The following CUL7 variants were observed in gnomAD, a reference collection of about 807,000 sequenced individuals.
CUL7 encodes the protein cullin-7.
Under a neutral mutation model 177.7 loss-of-function variants are expected in CUL7, and 96 were observed. The observed-to-expected ratio is 0.54, with a 90% confidence interval of 0.46 to 0.64. The LOEUF (loss-of-function observed/expected upper bound fraction) is 0.64. Ranked by LOEUF, CUL7 falls within the 30% of genes least tolerant of loss-of-function variation. The probability of loss-of-function intolerance (pLI) is 0.00; values close to 1 mark genes in which losing one functional copy is unlikely to be tolerated. For missense variants in CUL7, 1,893 were observed against 2,187.9 expected (o/e 0.87, Z 2.69); for synonymous variants, 824 against 890.2 (o/e 0.93, Z 1.32).
At chr6:43,044,640 G>A (rs1232066123) in intron 16 of CUL7, 112 bp downstream of exon 16, 1 of 1,435,356 alleles carries the variant, frequency 7.0e-7, no homozygotes. Flanking sequence ...ACAAATGCAG[G>A]TGCCAAAAGG....
intron 6 of CUL7, 145 bp from the exon 7 acceptor site, chr6:43,049,807 C>G: frequency 7.4e-7 from 1 of 1,360,284 alleles, no homozygotes. Flanking sequence ...TCCCAAACAG[C>G]TCACCCTCCC....
intron 7 of CUL7, among the ~76,000 whole-genome samples, chr6:43,049,155 G>T (rs1193924510): frequency 1.3e-5 from 2 of 152,170 alleles, no homozygotes; most frequent in African/African-American, 2.4e-5. Flanking sequence ...ATATGTTTCT[G>T]TACAAGAGAA....
rs1197612629 is a variant in CUL7, at chr6:43,050,247, T to C, written c.1372+13A>G. 1.9e-6 allele frequency: 3 copies of C among 1,614,144 alleles called. No individual in the cohort carries two copies. Among genetic ancestry groups the C allele is most frequent in the Admixed American group, 1.7e-5 (1 of 60,008 alleles). ...CTGCTCAGAGCTGACCCTTGCTTCC[T>C]CCCTGAGCTCACCTCTACCCAGGAC... On this transcript the variant is annotated intron_variant, in intron 5 of 25. Transcript: ENST00000265348. The surrounding 1 kb of genome is among the most constrained non-coding windows in gnomAD (Gnocchi z 4.1).
chr6:43,045,362 C>T lies in CUL7; in HGVS notation c.2903G>A (p.Gly968Asp), dbSNP rs768454225. The T allele has an allele frequency of 1.2e-6, 2 of 1,614,214 alleles. No individual in the cohort carries two copies. The highest frequency in any genetic ancestry group is 3.3e-5 in the Admixed American group (2 of 60,022). Residue 968 changes from glycine (G) to aspartate (D), a missense_variant, in exon 15 of 26, where the codon GGC becomes GAC. Transcript: ENST00000265348. The surrounding 1 kb of genome is among the most constrained non-coding windows in gnomAD (Gnocchi z 4.8). ...DTRIRGLEIL[G>D]PKPTFWPVFR... ...CACTGGCCAGAACGTGGGCTTGGGG[C>T]CTAGGATCTCTAACCCCCGAATGCG...
chr6:43,048,605 G>A, intron 7 of CUL7, 36 bp from the exon 8 acceptor site: 1 of 1,403,798 alleles, frequency 7.1e-7, no homozygotes, highest in Non-Finnish European at 1.0e-6. Flanking sequence ...GTTGGCCATT[G>A]TTAGTAATGT....
rs757487546 is a variant in CUL7 at position 43,042,999 on chromosome 6, C to A, written c.3463-15G>T. 90 of 1,613,986 alleles carry A rather than the reference C, an allele frequency of 5.6e-5. No homozygotes were observed. Among genetic ancestry groups the A allele is most frequent in the Non-Finnish European group, 6.9e-5 (81 of 1,179,984 alleles). On this transcript the variant is annotated splice_polypyrimidine_tract_variant and intron_variant, in intron 18 of 25. Coordinates refer to ENST00000265348, the MANE Select transcript of CUL7 (RefSeq NM_014780.5). ...AAATTGTTCACCTGGAAGGAAGGGGCAGGAGCATGAAGACACAACCCAACA... is the reference window on the plus strand; with the variant it reads ...AAATTGTTCACCTGGAAGGAAGGGGAAGGAGCATGAAGACACAACCCAACA...
rs377606153 is a variant in CUL7, at chr6:43,052,161, G to C, written c.580+48C>G. On this transcript the variant is annotated intron_variant, in intron 2 of 25. Transcript: ENST00000265348. The surrounding 1 kb of genome is among the most constrained non-coding windows in gnomAD (Gnocchi z 4.5). ...ACAGTGTCCTGTGAGTCCCTGAGCC[G>C]ACCCAGCCCTTCTCCTGCTTTCCCT... is the stretch of plus-strand genomic sequence containing the variant. 4 of 1,609,114 alleles carry C rather than the reference G, an allele frequency of 2.5e-6. No individual in the cohort carries two copies. In the East Asian group the frequency reaches 6.7e-5, roughly 27 times the overall value.
At position 43,044,790 on chromosome 6, in the gene CUL7, G is replaced by T. The variant is rs1292561689; in HGVS notation, c.3134C>A (p.Ala1045Asp). ...AQALGKTCWEALVSPVVQNIT... is the reference protein window; with the variant it reads ...AQALGKTCWEDLVSPVVQNIT... ...GTTCTGCACCACGGGGCTGACCAGGGCCTCCCAGCAGGTCTTGCCCAGAGC... is the reference window on the plus strand; with the variant it reads ...GTTCTGCACCACGGGGCTGACCAGGTCCTCCCAGCAGGTCTTGCCCAGAGC... The change falls in exon 16 of 26, where the codon GCC becomes GAC. Residue 1045 changes from alanine to aspartate, a missense_variant. Around this residue, in one of 5 missense-constraint regions of CUL7, gnomAD observed 973 missense variants for 1,140.9 expected, o/e 0.85. Transcript: ENST00000265348. 2 of 1,613,266 alleles carry T rather than the reference G, an allele frequency of 1.2e-6. No homozygotes were observed. Among genetic ancestry groups the T allele is most frequent in the Non-Finnish European group, 8.5e-7 (1 of 1,179,378 alleles).
At chr6:43,041,918 C>T (rs1246452749) in intron 19 of CUL7, among the ~76,000 whole-genome samples, 1 of 147,758 alleles carries the variant, frequency 6.8e-6, no homozygotes, top group Non-Finnish European at 1.5e-5. Flanking sequence ...GCAGGAGAAT[C>T]GCTTGAACCT....
In CUL7 at chr6:43,050,028, T is replaced by G. The variant is rs1764262257; in HGVS notation, c.1504A>C (p.Lys502Gln). ...AEWWELLFFI[K>Q]KLDGPDHQEV... ...TGATGGTCAGGTCCATCCAGCTTCTTGATGAAGAAGAGGAGTTCCCACCAC... is the reference window on the plus strand; with the variant it reads ...TGATGGTCAGGTCCATCCAGCTTCTGGATGAAGAAGAGGAGTTCCCACCAC... The change falls in exon 6 of 26, where the codon AAG becomes CAG. Residue 502 changes from lysine to glutamine, a missense_variant. Physicochemically the swap from Lys to Gln is moderately conservative, Grantham distance 53 (BLOSUM62 1). Coordinates refer to ENST00000265348, the MANE Select transcript of CUL7 (RefSeq NM_014780.5). The surrounding 1 kb of genome is among the most constrained non-coding windows in gnomAD (Gnocchi z 4.1). 6.2e-7 allele frequency: 1 copy of G among 1,614,074 alleles called. No individual in the cohort carries two copies. The highest frequency in any genetic ancestry group is 1.3e-5 in the African/African-American group (1 of 74,934).
In CUL7 at chr6:43,048,349, C is replaced by A. The variant is rs766594321; in HGVS notation, c.2046G>T (p.Leu682=). The part of the protein sequence containing the change: ...SLDTPETNRT[L]HLTVLRILKQ... Reference sequence around the variant, plus strand: ...GCTCTCACCTCAGCACAGTCAGGTGCAGGGTCCTGTTAGTCTCCGGAGTGT... The same window carrying A: ...GCTCTCACCTCAGCACAGTCAGGTGAAGGGTCCTGTTAGTCTCCGGAGTGT... The change falls in exon 8 of 26, where the codon CTG becomes CTT. Residue 682 remains leucine (L), a synonymous_variant. Coordinates refer to ENST00000265348, the MANE Select transcript of CUL7 (RefSeq NM_014780.5). 3 of 1,611,678 alleles carry A rather than the reference C, an allele frequency of 1.9e-6. No homozygotes were observed. Among genetic ancestry groups the A allele is most frequent in the Non-Finnish European group, 2.5e-6 (3 of 1,177,678 alleles).
rs1438483625 is a variant in CUL7, at chr6:43,048,214, C to G, written c.2103G>C (p.Leu701=). 22 of 1,613,976 alleles carry G rather than the reference C, an allele frequency of 1.4e-5. No individual in the cohort carries two copies. Among genetic ancestry groups the G allele is most frequent in the Non-Finnish European group, 1.8e-5 (21 of 1,179,958 alleles). Residue 701 remains leucine, a synonymous_variant, in exon 9 of 26, where the codon CTG becomes CTC. Coordinates refer to ENST00000265348, the MANE Select transcript of CUL7 (RefSeq NM_014780.5). ...KQLVDFPEAL[L]LPWHEAVDAC... ...CATCCACGGCCTCGTGCCAGGGGAGCAGCAGTGCCTCGGGGAAGTCCACCA... is the reference window on the plus strand; with the variant it reads ...CATCCACGGCCTCGTGCCAGGGGAGGAGCAGTGCCTCGGGGAAGTCCACCA...
At chr6:43,044,481 G>A (rs1285985879) in intron 16 of CUL7, among the ~76,000 whole-genome samples, 2 of 149,146 alleles carry the variant, frequency 1.3e-5, no homozygotes, top group African/African-American at 2.5e-5. Context: ...CGTGGGTAAC[G>A]AGCGAAAATC....
At chr6:43,042,692 A>C in intron 19 of CUL7, 110 bp downstream of exon 19, 2 of 747,140 alleles carry the variant, frequency 2.7e-6, no homozygotes, top group Non-Finnish European at 4.7e-6. Context: ...GCTATATACT[A>C]ACATATGTTC....
In CUL7 at chr6:43,037,794, G is replaced by C; in HGVS notation, c.4991C>G (p.Ser1664Cys). The change falls in exon 26 of 26, where the codon TCC (serine) becomes TGC (cysteine). Residue 1664 changes from serine (S) to cysteine (C), a missense_variant. Transcript: ENST00000265348. ...EPHTESLNPG[S>C]SGPNPPLTFH... ...GGTGAGGGGTGGGTTGGGGCCTGAG[G>C]AGCCTGGGTTCAGGGACTCAGTGTG... The C allele has an allele frequency of 1.2e-6, 2 of 1,604,164 alleles. No homozygotes were observed. The highest frequency in any genetic ancestry group is 2.2e-5 in the South Asian group (2 of 89,418).
rs953051218 is a variant in CUL7 at position 43,037,619 on chromosome 6, T to C, written c.*69A>G. On this transcript the variant is annotated 3_prime_UTR_variant, in exon 26 of 26. Coordinates refer to ENST00000265348, the MANE Select transcript of CUL7 (RefSeq NM_014780.5). ...GCAGTCGCCAAACACACACGTCATA[T>C]AATCAAACTCTTGGGTTTTATTTCT... The C allele has an allele frequency of 7.1e-7, 1 of 1,399,380 alleles. No homozygotes were observed. Among genetic ancestry groups the C allele is most frequent in the African/African-American group, 1.4e-5 (1 of 69,944 alleles). 86.7% of individuals were successfully genotyped at this position (1,399,380 alleles called of 1,614,324 possible). A position where few individuals can be genotyped will look rare whatever the true frequency, so the allele number is the denominator to read the frequency against.
In CUL7 at chr6:43,040,073, A is replaced by G; in HGVS notation, c.4294+83T>C. On this transcript the variant is annotated intron_variant, in intron 22 of 25. Coordinates refer to ENST00000265348, the MANE Select transcript of CUL7 (RefSeq NM_014780.5). This position sits in a 1 kb window ranked among gnomAD's most constrained non-coding sequence, Gnocchi z 4.2. ...CTCTTTTTACATCAAGCCTCCCAACATCAGGGTCTGCCCCCAACCCCAGGT... is the reference window on the plus strand; with the variant it reads ...CTCTTTTTACATCAAGCCTCCCAACGTCAGGGTCTGCCCCCAACCCCAGGT... The G allele has an allele frequency of 6.6e-7, 1 of 1,519,424 alleles. No individual in the cohort carries two copies. The highest frequency in any genetic ancestry group is 9.1e-7 in the Non-Finnish European group (1 of 1,094,794). 94.1% of individuals were successfully genotyped at this position (1,519,424 alleles called of 1,614,324 possible).
chr6:43,048,641 T>A lies in CUL7; in HGVS notation c.1826-72A>T, dbSNP rs556391209. 47 of 1,040,008 alleles carry A rather than the reference T, an allele frequency of 4.5e-5. No homozygotes were observed. In the South Asian group the frequency reaches 6.1e-4, roughly 14 times the overall value. 64.4% of individuals were successfully genotyped at this position (1,040,008 alleles called of 1,614,324 possible). On this transcript the variant is annotated intron_variant, in intron 7 of 25. Coordinates refer to ENST00000265348, the MANE Select transcript of CUL7 (RefSeq NM_014780.5). The stretch of plus-strand genomic sequence containing the variant: ...GAAGGCTCAGAAATAGATTCATAAC[T>A]CTCAATCTTTTTCTCTAATTTCTCC...
chr6:43,049,803 A>G (rs1410486256), intron 6 of CUL7, 141 bp from the exon 7 acceptor site: 2 of 1,370,118 alleles, frequency 1.5e-6, no homozygotes, highest in Non-Finnish European at 2.1e-6. Context: ...CTCCTCCCAA[A>G]CAGCTCACCC....
Sources: allele counts gnomAD v4.1 joint callset (sites outside exome capture counted in the v4.1 genomes callset), GRCh38; gene constraint gnomAD v4.1.1; regional missense constraint gnomAD v4.1.1; non-coding constraint Gnocchi (gnomAD v3.1); transcripts MANE v1.5; gene names NCBI Gene and HGNC (gene_info 2026-07-23, HGNC 2026-07-21).